SPMIP2: variants seen among roughly 807,000 people sequenced by gnomAD.
SPMIP2 encodes the protein sperm microtubule inner protein 2.
the SPMIP2 span, among the ~76,000 whole-genome samples, chr4:158,955,340 A>G: frequency 6.6e-6 from 1 of 152,190 alleles, no homozygotes; most frequent in East Asian, 1.9e-4. Flanking sequence ...CAAGTCATCA[A>G]TTTGCTAACC....
chr4:159,007,977 C>A, the SPMIP2 span: 1 of 367,126 alleles, frequency 2.7e-6, no homozygotes, highest in Non-Finnish European at 5.3e-6. Context: ...TGGCATGCGC[C>A]TGTAGTCCCA....
chr4:159,017,877 C>T, the SPMIP2 span, among the ~76,000 whole-genome samples: 1 of 152,152 alleles, frequency 6.6e-6, no homozygotes, highest in Admixed American at 6.5e-5. Flanking sequence ...ATAAGATATA[C>T]AGGGAGGCAA....
the SPMIP2 span, among the ~76,000 whole-genome samples, chr4:159,051,316 T>C: frequency 1.0e-3 from 155 of 152,304 alleles, no homozygotes; most frequent in African/African-American, 3.3e-3. Flanking sequence ...TTGAAACTGC[T>C]TAAGATTTCA....
chr4:159,078,022 A>C, the SPMIP2 span, among the ~76,000 whole-genome samples: 8 of 152,156 alleles, frequency 5.3e-5, no homozygotes, highest in Admixed American at 1.3e-4. Flanking sequence ...TACCTCTAAA[A>C]ATCATATTTT....
chr4:158,960,755 A>C, the SPMIP2 span, among the ~76,000 whole-genome samples: 2 of 152,164 alleles, frequency 1.3e-5, no homozygotes, highest in Non-Finnish European at 2.9e-5. Flanking sequence ...GGTCGTAATA[A>C]CGTAGGAAAG....
the SPMIP2 span, among the ~76,000 whole-genome samples, chr4:158,956,449 G>A: frequency 6.6e-6 from 1 of 152,226 alleles, no homozygotes. Flanking sequence ...TGTAGTCCCA[G>A]CTACTTGGGA....
At chr4:159,013,412 G>T in the SPMIP2 span, among the ~76,000 whole-genome samples, 121 of 152,322 alleles carry the variant, frequency 7.9e-4, 1 homozygote, top group Non-Finnish European at 1.5e-3. Flanking sequence ...TTAAACAACA[G>T]AAATTTATCT....
chr4:159,041,666 G>A, the SPMIP2 span, among the ~76,000 whole-genome samples: 1 of 152,188 alleles, frequency 6.6e-6, no homozygotes, highest in East Asian at 1.9e-4. Flanking sequence ...CATTCATGGT[G>A]TTGTGGATGT....
At chr4:159,049,801 T>A in the SPMIP2 span, among the ~76,000 whole-genome samples, 1 of 152,246 alleles carries the variant, frequency 6.6e-6, no homozygotes, top group Admixed American at 6.5e-5. Context: ...AAAACCCATA[T>A]GATTTTTGTG....
the SPMIP2 span, among the ~76,000 whole-genome samples, chr4:159,003,401 T>C: frequency 2.6e-5 from 4 of 152,172 alleles, no homozygotes; most frequent in African/African-American, 9.7e-5. Context: ...TTAAGTAAGG[T>C]ATTGTATGTA....
chr4:159,015,968 G>A, the SPMIP2 span, among the ~76,000 whole-genome samples: 1 of 152,188 alleles, frequency 6.6e-6, no homozygotes, highest in Non-Finnish European at 1.5e-5. Context: ...AGCAAAGCTG[G>A]GTGATGCCGC....
the SPMIP2 span, among the ~76,000 whole-genome samples, chr4:159,013,579 G>A: frequency 6.6e-6 from 1 of 152,040 alleles, no homozygotes; most frequent in Non-Finnish European, 1.5e-5. Context: ...AAGGCCTGAT[G>A]CCCCTTCCTC....
At chr4:158,915,292 T>G in the SPMIP2 span, 1 of 1,613,630 alleles carries the variant, frequency 6.2e-7, no homozygotes. Context: ...TCGAAAGCAC[T>G]CATATGCCAG....
the SPMIP2 span, among the ~76,000 whole-genome samples, chr4:158,963,927 G>A: frequency 5.3e-5 from 8 of 152,116 alleles, no homozygotes; most frequent in African/African-American, 9.6e-5. Context: ...TCTGGGAGGC[G>A]GGCAGATCAT....
At chr4:158,976,939 C>T in the SPMIP2 span, among the ~76,000 whole-genome samples, 2 of 152,078 alleles carry the variant, frequency 1.3e-5, no homozygotes, top group Non-Finnish European at 2.9e-5. Flanking sequence ...GGATTACAGG[C>T]ATGAGCCACC....
the SPMIP2 span, among the ~76,000 whole-genome samples, chr4:158,961,959 G>A: frequency 6.6e-6 from 1 of 151,894 alleles, no homozygotes; most frequent in Non-Finnish European, 1.5e-5. Context: ...TCATTGAAAT[G>A]GGTAACAATT....
At chr4:158,903,497 CCTT>C in the SPMIP2 span, among the ~76,000 whole-genome samples, 1 of 152,184 alleles carries the variant, frequency 6.6e-6, no homozygotes, top group Admixed American at 6.5e-5. Context: ...CATCCTTGAC[CCTT>C]ACAGGTGTGC....
At chr4:158,939,199 T>C in the SPMIP2 span, among the ~76,000 whole-genome samples, 907 of 152,328 alleles carry the variant, frequency 6.0e-3, 7 homozygotes, top group African/African-American at 0.019. Context: ...CTCAGTTTAG[T>C]TTTGGATAAG....
At chr4:159,074,498 G>A in the SPMIP2 span, among the ~76,000 whole-genome samples, 2 of 152,122 alleles carry the variant, frequency 1.3e-5, no homozygotes, top group South Asian at 4.2e-4. Context: ...ATTCATTCAA[G>A]AAGAGGACAA....
Sources: gnomAD v4.1 joint callset for allele counts (sites outside exome capture counted in the v4.1 genomes callset) on GRCh38, gnomAD v4.1.1 for gene constraint, MANE v1.5 for transcripts, NCBI Gene and HGNC (gene_info 2026-07-23, HGNC 2026-07-21) for gene names.